Variants in UBE2O observed in about 807,000 individuals in gnomAD.
UBE2O encodes (E3-independent) E2 ubiquitin-conjugating enzyme.
In UBE2O, 15 loss-of-function variants were observed where a neutral mutation model predicts 125.8. The observed-to-expected ratio is 0.12, with a 90% confidence interval of 0.08 to 0.18. UBE2O has a LOEUF of 0.18. Among genes scored for constraint, UBE2O ranks in the 10% least tolerant of loss-of-function variants. The pLI is 1.00. For synonymous variants in UBE2O, 708 were observed against 703.2 expected (o/e 1.01, Z -0.11); for missense variants, 1,280 against 1,723.6 (o/e 0.74, Z 4.56).
In UBE2O at chr17:76,399,817, T is replaced by G. The variant is rs2072285412; in HGVS notation, c.1260A>C (p.Glu420Asp). ...ACTCCGCTTCGCTCTTGGTTTTGGA[T>G]TCCCCCTTCTTGTCTGGGTCTTCCA... ...HSMEDPDKKG[E>D]SKTKSEAESA... The change falls in exon 9 of 18, where the codon GAA becomes GAC. Residue 420 changes from glutamate to aspartate, a missense_variant. Transcript: ENST00000319380. This position sits in a 1 kb window ranked among gnomAD's most constrained non-coding sequence, Gnocchi z 6.9. The G allele has an allele frequency of 6.2e-7, 1 of 1,614,100 alleles. No individual in the cohort carries two copies. Among genetic ancestry groups the G allele is most frequent in the African/African-American group, 1.3e-5 (1 of 74,948 alleles).
chr17:76,416,120 T>C (rs974233781), intron 1 of UBE2O, among the ~76,000 whole-genome samples: 11 of 151,844 alleles, frequency 7.2e-5, no homozygotes, highest in African/African-American at 2.2e-4. Context: ...TATACATATA[T>C]ACATATATGT....
chr17:76,398,266 T>C lies in UBE2O; in HGVS notation c.2014A>G (p.Lys672Glu), dbSNP rs747386430. 6.2e-7 allele frequency: 1 copy of C among 1,614,006 alleles called. No homozygotes were observed. Among genetic ancestry groups the C allele is most frequent in the Non-Finnish European group, 8.5e-7 (1 of 1,179,890 alleles). The change falls in exon 12 of 18, where the codon AAG becomes GAG. Residue 672 changes from lysine (K) to glutamate (E), a missense_variant. Lys to Glu is a moderately conservative substitution (Grantham distance 56). Transcript: ENST00000319380. The surrounding 1 kb of genome is among the most constrained non-coding windows in gnomAD (Gnocchi z 5.4). ...IGNTEDGAPH[K>E]EDEPSVGQVA... The stretch of plus-strand genomic sequence containing the variant: ...ATTTGAAGGCGTACCTCATCCTCCT[T>C]GTGAGGAGCCCCATCCTCAGTATTG...
intron 1 of UBE2O, among the ~76,000 whole-genome samples, chr17:76,437,292 T>G (rs2073011960): frequency 6.7e-6 from 1 of 148,760 alleles, no homozygotes; most frequent in Non-Finnish European, 1.5e-5. Context: ...CTACTAAAAA[T>G]ACACAAAATT....
chr17:76,413,995 G>A (rs1157675869), intron 1 of UBE2O, among the ~76,000 whole-genome samples: 3 of 152,306 alleles, frequency 2.0e-5, no homozygotes, highest in African/African-American at 4.8e-5. Context: ...CAGTAATTCC[G>A]GCTGGTGCCA....
chr17:76,414,226 T>C (rs1263449613), intron 1 of UBE2O, among the ~76,000 whole-genome samples: 3 of 152,220 alleles, frequency 2.0e-5, no homozygotes, highest in Non-Finnish European at 4.4e-5. Flanking sequence ...AATCATGAGC[T>C]ACGGAAGCCA....
intron 1 of UBE2O, among the ~76,000 whole-genome samples, chr17:76,444,421 C>T (rs2073123518): frequency 6.6e-6 from 1 of 152,082 alleles, no homozygotes; most frequent in African/African-American, 2.4e-5. Flanking sequence ...TGTGTAGTTC[C>T]AGCTGCACAG....
At chr17:76,440,859 T>TA (rs1405855619) in intron 1 of UBE2O, among the ~76,000 whole-genome samples, 2 of 152,238 alleles carry the variant, frequency 1.3e-5, no homozygotes, top group Non-Finnish European at 2.9e-5. Flanking sequence ...CCTGCAACAC[T>TA]AGGACATTTA....
Position 76,398,626 on chromosome 17 carries a change from C to T in UBE2O, c.1784-42G>A, listed in dbSNP as rs745380256. On this transcript the variant is annotated intron_variant, in intron 10 of 17. Transcript: ENST00000319380. This position sits in a 1 kb window ranked among gnomAD's most constrained non-coding sequence, Gnocchi z 5.4. ...AGGGAAGTGACTAGCTAAGGGATCCCGGCTAAGGAGCCCACATCTCAAGCC... is the reference window on the plus strand; with the variant it reads ...AGGGAAGTGACTAGCTAAGGGATCCTGGCTAAGGAGCCCACATCTCAAGCC... The T allele has an allele frequency of 8.2e-6, 13 of 1,591,312 alleles. No individual in the cohort carries two copies. In the Middle Eastern group the frequency reaches 5.0e-4, roughly 61 times the overall value.
rs558641233 is a variant in UBE2O at position 76,400,818 on chromosome 17, G to A, written c.894+193C>T. On this transcript the variant is annotated intron_variant, in intron 6 of 17. Transcript: ENST00000319380. This position sits in a 1 kb window ranked among gnomAD's most constrained non-coding sequence, Gnocchi z 4.3. ...TGCTCAGCCTGTACAGGCTGGGCTG[G>A]GGCACATCTGTCTTTTGGTCACTAT... Among the ~76,000 whole-genome samples the A allele has an allele frequency of 1.3e-5, 2 of 152,278 alleles. No homozygotes were observed. The highest frequency in any genetic ancestry group is 4.8e-5 in the African/African-American group (2 of 41,556).
In UBE2O at chr17:76,430,043, T is replaced by G. The variant is rs549208087; in HGVS notation, c.417+22682A>C. 2.0e-5 allele frequency among the ~76,000 whole-genome samples: 3 copies of G among 152,338 alleles called. No individual in the cohort carries two copies. The South Asian group carries it at 6.2e-4, about 32-fold the overall frequency. ...CCTCTGCTTTTAGGCCCAAACCTTA[T>G]TCCCACCTTGAGTGCCACCAATTGC... On this transcript the variant is annotated intron_variant, in intron 1 of 17. Transcript: ENST00000319380.
chr17:76,400,488 G>C lies in UBE2O; in HGVS notation c.957C>G (p.Asp319Glu), dbSNP rs2072301319. Reference protein sequence around the residue: ...ITKSFCPGGTDSVSPPPSVIT... With the variant: ...ITKSFCPGGTESVSPPPSVIT... ...TGACAGAGGGTGGGGGGCTGACGCT[G>C]TCCGTGCCCCCTGGACAGAAACTCT... The change falls in exon 7 of 18, where the codon GAC becomes GAG. Residue 319 changes from aspartate to glutamate, a missense_variant. Transcript: ENST00000319380. The surrounding 1 kb of genome is among the most constrained non-coding windows in gnomAD (Gnocchi z 4.3). 1 of 1,613,450 alleles carries C rather than the reference G, an allele frequency of 6.2e-7. No individual in the cohort carries two copies. Among genetic ancestry groups the C allele is most frequent in the Non-Finnish European group, 8.5e-7 (1 of 1,179,806 alleles).
Position 76,398,432 on chromosome 17 carries a change from C to G in UBE2O, c.1896+40G>C, listed in dbSNP as rs892624812. ...TGAGCTAGGGGTCCTACACCCAACC[C>G]CAGAGCCCACCTGAAGCAAGCAGTA... On this transcript the variant is annotated intron_variant, in intron 11 of 17. Coordinates refer to ENST00000319380, the MANE Select transcript of UBE2O (RefSeq NM_022066.4). This position sits in a 1 kb window ranked among gnomAD's most constrained non-coding sequence, Gnocchi z 5.4. 1 of 1,614,060 alleles carries G rather than the reference C, an allele frequency of 6.2e-7. No homozygotes were observed. The highest frequency in any genetic ancestry group is 2.2e-5 in the East Asian group (1 of 44,882).
chr17:76,395,487 C>T lies in UBE2O; in HGVS notation c.2946+238G>A, dbSNP rs1014947702. The T allele has an allele frequency of 6.1e-5, 28 of 456,852 alleles. No individual in the cohort carries two copies. The highest frequency in any genetic ancestry group is 1.0e-4 in the Non-Finnish European group (26 of 259,662). 28.3% of individuals were successfully genotyped at this position (456,852 alleles called of 1,614,324 possible). A position where few individuals can be genotyped will look rare whatever the true frequency, so the allele number is the denominator to read the frequency against. On this transcript the variant is annotated intron_variant, in intron 15 of 17. Transcript: ENST00000319380. The surrounding 1 kb of genome is among the most constrained non-coding windows in gnomAD (Gnocchi z 5.0). ...GATTACGGGTGTGAGCCACTGCGCC[C>T]GGCCGAGAAAGTAATTTTTTAAAGG...
Position 76,405,410 on chromosome 17 carries a change from G to A in UBE2O, c.478-94C>T. On this transcript the variant is annotated intron_variant, in intron 2 of 17. Transcript: ENST00000319380. The surrounding 1 kb of genome is among the most constrained non-coding windows in gnomAD (Gnocchi z 6.1). ...AGGCAACCCCAGCGCACCCCCTGCA[G>A]AGCTGGCCAGTTCTCCCACATGCAG... 5 of 1,508,942 alleles carry A rather than the reference G, an allele frequency of 3.3e-6. No individual in the cohort carries two copies. The highest frequency in any genetic ancestry group is 4.5e-6 in the Non-Finnish European group (5 of 1,102,442). The allele number at this position is 1,508,942 out of a possible 1,614,324, so 93.5% of individuals were successfully genotyped here.
At chr17:76,438,613 C>T (rs1347499633) in intron 1 of UBE2O, among the ~76,000 whole-genome samples, 2 of 152,144 alleles carry the variant, frequency 1.3e-5, no homozygotes, top group African/African-American at 4.8e-5. Flanking sequence ...TAATTGAAAG[C>T]TTTATTACTG....
intron 1 of UBE2O, among the ~76,000 whole-genome samples, chr17:76,413,976 G>A (rs1039799830): frequency 5.3e-5 from 8 of 152,240 alleles, no homozygotes; most frequent in African/African-American, 1.9e-4. Flanking sequence ...ATTTGAGGAT[G>A]TGAATGGTCA....
rs566788171 is a variant in UBE2O, at chr17:76,397,848, T to C, written c.2066A>G (p.Lys689Arg). 9.2e-5 allele frequency: 149 copies of C among 1,614,164 alleles called. No individual in the cohort carries two copies. In the East Asian group the frequency reaches 2.9e-3, roughly 31 times the overall value. The change falls in exon 13 of 18, where the codon AAG becomes AGG. Residue 689 changes from lysine (K) to arginine (R), a missense_variant. Lys to Arg is a conservative substitution (Grantham distance 26). Around this residue, in one of 10 missense-constraint regions of UBE2O, gnomAD observed 210 missense variants for 268.9 expected, o/e 0.78. Coordinates refer to ENST00000319380, the MANE Select transcript of UBE2O (RefSeq NM_022066.4). ...GTTGTCAGCCCACACCACCTCCACC[T>C]TGCTGCTGACGTCCACACGGGCCAC... ...GQVARVDVSSKVEVVWADNSK... is the reference protein window; with the variant it reads ...GQVARVDVSSRVEVVWADNSK...
rs777185529 is a variant in UBE2O at position 76,391,190 on chromosome 17, G to A, written c.3632C>T (p.Ala1211Val). Residue 1211 changes from alanine to valine, a missense_variant, in exon 18 of 18, where the codon GCT becomes GTT. Ala to Val is a moderately conservative substitution (Grantham distance 64, BLOSUM62 0). Transcript: ENST00000319380. This position sits in a 1 kb window ranked among gnomAD's most constrained non-coding sequence, Gnocchi z 8.4. ...SEGGAQGLASASRDHTDQTSE... is the reference protein window; with the variant it reads ...SEGGAQGLASVSRDHTDQTSE... ...AGTCTGGTCTGTGTGGTCCCTGCTA[G>A]CTGAGGCCAGGCCCTGGGCACCGCC... The A allele has an allele frequency of 3.7e-6, 6 of 1,613,086 alleles. No individual in the cohort carries two copies. In the African/African-American group the frequency reaches 6.7e-5, roughly 18 times the overall value.
Position 76,395,639 on chromosome 17 carries a change from A to C in UBE2O, c.2946+86T>G. 6.6e-7 allele frequency: 1 copy of C among 1,505,616 alleles called. No individual in the cohort carries two copies. Among genetic ancestry groups the C allele is most frequent in the Non-Finnish European group, 8.9e-7 (1 of 1,122,998 alleles). 93.3% of individuals were successfully genotyped at this position (1,505,616 alleles called of 1,614,324 possible). Reference sequence around the variant, plus strand: ...CCTCGCAGGTGCCAGTCAGCCCCGGAGGTTTGGGGACCCAAGGTTGGTGGC... The same window carrying C: ...CCTCGCAGGTGCCAGTCAGCCCCGGCGGTTTGGGGACCCAAGGTTGGTGGC... On this transcript the variant is annotated intron_variant, in intron 15 of 17. Coordinates refer to ENST00000319380, the MANE Select transcript of UBE2O (RefSeq NM_022066.4). This position sits in a 1 kb window ranked among gnomAD's most constrained non-coding sequence, Gnocchi z 5.0.
Sources: gnomAD v4.1 joint callset for allele counts (sites outside exome capture counted in the v4.1 genomes callset) on GRCh38, gnomAD v4.1.1 for gene constraint, gnomAD v4.1.1 regional missense constraint, Gnocchi (gnomAD v3.1) non-coding constraint, MANE v1.5 for transcripts, NCBI Gene and HGNC (gene_info 2026-07-23, HGNC 2026-07-21) for gene names.